SCFD2: variants seen among roughly 807,000 people sequenced by gnomAD.
SCFD2 encodes sec1 family domain-containing protein 2.
Under a neutral mutation model 58.9 loss-of-function variants are expected in SCFD2, and 54 were observed. The ratio of observed to expected loss-of-function variants is 0.92; its 90% CI spans 0.74 to 1.15. The LOEUF is 1.15. SCFD2 is among the 50% of genes most tolerant of loss of function. The pLI, the probability that SCFD2 is intolerant of heterozygous loss-of-function variation, is 0.00. For synonymous variants in SCFD2, 321 were observed against 335.9 expected (o/e 0.96, Z 0.49); for missense variants, 805 against 836.6 (o/e 0.96, Z 0.47).
intron 5 of SCFD2, among the ~76,000 whole-genome samples, chr4:53,140,392 A>AAAAAATATAT: frequency 1.0e-5 from 1 of 97,498 alleles, no homozygotes; most frequent in South Asian, 4.2e-4. Context: ...CAAAAATGCT[A>AAAAAATATAT]ATATATATAT....
chr4:53,199,243 A>G (rs192614696), intron 4 of SCFD2, among the ~76,000 whole-genome samples: 5 of 152,198 alleles, frequency 3.3e-5, no homozygotes, highest in Admixed American at 3.3e-4. Flanking sequence ...TTTCCTTATT[A>G]TTTCATTTCT....
intron 5 of SCFD2, among the ~76,000 whole-genome samples, chr4:53,018,847 T>TA (rs1722277922): frequency 6.6e-6 from 1 of 152,166 alleles, no homozygotes; most frequent in African/African-American, 2.4e-5. Flanking sequence ...ACCTTTAGAC[T>TA]AAGGATAGCC....
At chr4:52,942,779 A>G (rs1309305467) in intron 5 of SCFD2, among the ~76,000 whole-genome samples, 1 of 152,212 alleles carries the variant, frequency 6.6e-6, no homozygotes, top group Non-Finnish European at 1.5e-5. Flanking sequence ...ATTTCACTCC[A>G]CTTAATATAA....
At chr4:53,015,870 G>C in intron 5 of SCFD2, among the ~76,000 whole-genome samples, 1 of 152,162 alleles carries the variant, frequency 6.6e-6, no homozygotes, top group Non-Finnish European at 1.5e-5. Flanking sequence ...TCTATGAGGG[G>C]CTTTCAAAGA....
At chr4:53,024,465 T>A (rs1722423476) in intron 5 of SCFD2, among the ~76,000 whole-genome samples, 3 of 152,120 alleles carry the variant, frequency 2.0e-5, no homozygotes, top group Admixed American at 2.0e-4. Context: ...GGAAGTGACA[T>A]AAAGTAGGCA....
intron 2 of SCFD2, among the ~76,000 whole-genome samples, chr4:53,327,890 G>A (rs1438411678): frequency 6.6e-6 from 1 of 152,106 alleles, no homozygotes; most frequent in African/African-American, 2.4e-5. Flanking sequence ...CCTCACTTTG[G>A]GAGGCCAACG....
intron 2 of SCFD2, among the ~76,000 whole-genome samples, chr4:53,330,884 T>C (rs1319209114): frequency 1.3e-5 from 2 of 151,172 alleles, no homozygotes; most frequent in African/African-American, 4.9e-5. Flanking sequence ...AGGCTCAAAA[T>C]AAAAGGATGG....
At chr4:53,263,575 T>C (rs1730892025) in intron 4 of SCFD2, among the ~76,000 whole-genome samples, 1 of 152,222 alleles carries the variant, frequency 6.6e-6, no homozygotes, top group Non-Finnish European at 1.5e-5. Flanking sequence ...CTGGGGAGTG[T>C]CTGCAAAGAG....
chr4:53,340,455 CAGCCTGGA>C (rs1326869566), intron 2 of SCFD2, among the ~76,000 whole-genome samples: 1 of 152,190 alleles, frequency 6.6e-6, no homozygotes, highest in East Asian at 1.9e-4. Context: ...GTAAACACAG[CAGCCTGGA>C]AGCTAGAACT....
At position 53,333,552 on chromosome 4, in the gene SCFD2, G is replaced by C. The variant is rs542903124; in HGVS notation, c.1007+19046C>G. Among the ~76,000 whole-genome samples the C allele has an allele frequency of 1.6e-3, 240 of 151,652 alleles. 4 individuals carry two copies. The highest frequency in any genetic ancestry group is 9.0e-3 in the South Asian group (43 of 4,776). On this transcript the variant is annotated intron_variant, in intron 2 of 8. Coordinates refer to ENST00000401642, the MANE Select transcript of SCFD2 (RefSeq NM_152540.4). ...TGGGAAAACTGGCTAGCCATATGTAGAAAGCTGAAACTGGATCCCTTCCTT... is the reference window on the plus strand; with the variant it reads ...TGGGAAAACTGGCTAGCCATATGTACAAAGCTGAAACTGGATCCCTTCCTT...
At chr4:52,980,798 C>T (rs1721359637) in intron 5 of SCFD2, among the ~76,000 whole-genome samples, 1 of 152,122 alleles carries the variant, frequency 6.6e-6, no homozygotes, top group Non-Finnish European at 1.5e-5. Flanking sequence ...GTGACAGAAG[C>T]ACTTTGTTAC....
At chr4:53,252,939 G>A (rs1321092726) in intron 4 of SCFD2, among the ~76,000 whole-genome samples, 5 of 152,144 alleles carry the variant, frequency 3.3e-5, no homozygotes, top group Non-Finnish European at 4.4e-5. Context: ...ACTACCATCA[G>A]AGTGAACAGG....
chr4:53,237,621 G>A (rs1286785347), intron 4 of SCFD2, among the ~76,000 whole-genome samples: 5 of 125,716 alleles, frequency 4.0e-5, no homozygotes, highest in Non-Finnish European at 3.4e-5. Flanking sequence ...CCTCCCGGAC[G>A]GGGCGGCTGG....
intron 7 of SCFD2, among the ~76,000 whole-genome samples, chr4:52,906,824 G>A (rs1300708845): frequency 1.3e-5 from 2 of 152,172 alleles, no homozygotes; most frequent in African/African-American, 2.4e-5. Flanking sequence ...GGACTGAGAG[G>A]TCAGCCTGTA....
intron 5 of SCFD2, among the ~76,000 whole-genome samples, chr4:53,080,374 T>C (rs1724105389): frequency 6.6e-6 from 1 of 152,198 alleles, no homozygotes; most frequent in South Asian, 2.1e-4. Flanking sequence ...TTTGTTGTTT[T>C]ATAGGATATT....
At chr4:53,186,198 C>T (rs1033123537) in intron 4 of SCFD2, among the ~76,000 whole-genome samples, 1 of 152,048 alleles carries the variant, frequency 6.6e-6, no homozygotes, top group Non-Finnish European at 1.5e-5. Context: ...TCTTTCCCAC[C>T]CTTCAAGATC....
chr4:53,363,397 C>T (rs529536917), intron 1 of SCFD2, among the ~76,000 whole-genome samples: 10 of 152,020 alleles, frequency 6.6e-5, no homozygotes, highest in African/African-American at 2.2e-4. Context: ...AGTCTGCCCC[C>T]CTCAGCCTCC....
At chr4:53,363,096 T>C (rs1734591808) in intron 1 of SCFD2, among the ~76,000 whole-genome samples, 2 of 152,260 alleles carry the variant, frequency 1.3e-5, no homozygotes, top group Non-Finnish European at 1.5e-5. Context: ...GGCAACTTTG[T>C]CTTTCTATGT....
chr4:53,332,311 C>T (rs1279090858), intron 2 of SCFD2, among the ~76,000 whole-genome samples: 1 of 151,696 alleles, frequency 6.6e-6, no homozygotes, highest in African/African-American at 2.4e-5. Context: ...GAATTTTAGA[C>T]CAATAGCCTT....
Sources: allele counts gnomAD v4.1 joint callset (sites outside exome capture counted in the v4.1 genomes callset), GRCh38; gene constraint gnomAD v4.1.1; transcripts MANE v1.5; gene names NCBI Gene and HGNC (gene_info 2026-07-23, HGNC 2026-07-21).